The following SCN11A variants were observed in gnomAD, a reference collection of about 807,000 sequenced individuals.
SCN11A encodes sodium voltage-gated channel alpha subunit 11.
SCN11A carries 122 observed loss-of-function variants against 162.2 expected under a neutral mutation model. That is an observed-to-expected ratio of 0.75 (90% confidence interval 0.65 to 0.87). The LOEUF is 0.87. Ranked by LOEUF, SCN11A falls within the 40% of genes least tolerant of loss-of-function variation. The pLI is 0.00. For missense variants in SCN11A, 2,015 were observed against 2,181.6 expected (o/e 0.92, Z 1.52); for synonymous variants, 758 against 751.5 (o/e 1.01, Z -0.14).
intron 1 of SCN11A, among the ~76,000 whole-genome samples, chr3:39,046,781 T>A (rs2032192025): frequency 6.6e-6 from 1 of 152,192 alleles, no homozygotes; most frequent in South Asian, 2.1e-4. Flanking sequence ...AGTGCAATGA[T>A]GTGATCTCTG....
At chr3:38,890,157 T>C (rs1460451385) in intron 19 of SCN11A, among the ~76,000 whole-genome samples, 1 of 152,144 alleles carries the variant, frequency 6.6e-6, no homozygotes, top group Non-Finnish European at 1.5e-5. Flanking sequence ...ACTAGAATCA[T>C]CCTCATTCCA....
intron 9 of SCN11A, among the ~76,000 whole-genome samples, chr3:38,923,644 C>T (rs1343948205): frequency 6.6e-6 from 1 of 152,214 alleles, no homozygotes; most frequent in Non-Finnish European, 1.5e-5. Flanking sequence ...CCAGTGTCTA[C>T]CAACTCCACT....
At chr3:38,937,117 G>A (rs1456633695) in intron 7 of SCN11A, among the ~76,000 whole-genome samples, 1 of 151,998 alleles carries the variant, frequency 6.6e-6, no homozygotes, top group Non-Finnish European at 1.5e-5. Flanking sequence ...AACAAGCAAT[G>A]GGGAAAGGAT....
At chr3:38,955,428 C>T (rs1575333962) in intron 3 of SCN11A, among the ~76,000 whole-genome samples, 1 of 152,120 alleles carries the variant, frequency 6.6e-6, no homozygotes, top group Non-Finnish European at 1.5e-5. Flanking sequence ...ACTGAAAAAA[C>T]AATTAATGGA....
chr3:39,045,787 T>A (rs1042203248), intron 1 of SCN11A, among the ~76,000 whole-genome samples: 1 of 152,192 alleles, frequency 6.6e-6, no homozygotes, highest in African/African-American at 2.4e-5. Flanking sequence ...TGGAGAATGC[T>A]AGCTAGAGCA....
intron 28 of SCN11A, among the ~76,000 whole-genome samples, chr3:38,860,003 C>T (rs2064937113): frequency 6.6e-6 from 1 of 152,102 alleles, no homozygotes; most frequent in Non-Finnish European, 1.5e-5. Context: ...TTTTGCAGAC[C>T]TTGCACTGGA....
At chr3:38,872,485 T>C (rs1393408417) in intron 23 of SCN11A, among the ~76,000 whole-genome samples, 191 bp from the exon 24 acceptor site, 1 of 152,150 alleles carries the variant, frequency 6.6e-6, no homozygotes, top group Non-Finnish European at 1.5e-5. Flanking sequence ...GATATAACAA[T>C]CACATGTAAT....
chr3:38,887,955 A>T (rs1203111747), intron 19 of SCN11A, among the ~76,000 whole-genome samples: 1 of 152,218 alleles, frequency 6.6e-6, no homozygotes, highest in Non-Finnish European at 1.5e-5. Flanking sequence ...ACAAACATAC[A>T]CATACAAAAA....
intron 1 of SCN11A, among the ~76,000 whole-genome samples, chr3:39,041,227 A>G (rs1056497178): frequency 6.6e-6 from 1 of 152,224 alleles, no homozygotes; most frequent in Admixed American, 6.5e-5. Flanking sequence ...GCAAACAAAT[A>G]TTCACATTCT....
At chr3:38,890,380 T>C (rs1213654753) in intron 19 of SCN11A, among the ~76,000 whole-genome samples, 1 of 152,244 alleles carries the variant, frequency 6.6e-6, no homozygotes, top group South Asian at 2.1e-4. Flanking sequence ...AGTATAAGTC[T>C]AAGAGTGTTC....
At chr3:39,022,834 A>G (rs2031485111) in intron 2 of SCN11A, among the ~76,000 whole-genome samples, 1 of 152,106 alleles carries the variant, frequency 6.6e-6, no homozygotes, top group African/African-American at 2.4e-5. Flanking sequence ...AGCCCTGATC[A>G]TGCCATTGCA....
chr3:39,041,311 T>G (rs1397320039), intron 1 of SCN11A, among the ~76,000 whole-genome samples: 1 of 152,174 alleles, frequency 6.6e-6, no homozygotes, highest in Non-Finnish European at 1.5e-5. Context: ...GAAACCCTTC[T>G]AAGACTTTGG....
chr3:38,947,103 T>C (rs2066529962), intron 5 of SCN11A, among the ~76,000 whole-genome samples, 196 bp from the exon 6 acceptor site: 1 of 152,086 alleles, frequency 6.6e-6, no homozygotes, highest in South Asian at 2.1e-4. Flanking sequence ...ATACCAAAAT[T>C]AGGAGTATAG....
chr3:38,963,024 G>C (rs1372998978), intron 2 of SCN11A, among the ~76,000 whole-genome samples: 3 of 151,490 alleles, frequency 2.0e-5, no homozygotes, highest in African/African-American at 4.8e-5. Context: ...TGCAAGAATG[G>C]CCATAATTAA....
At chr3:39,011,332 C>T (rs1439780752) in intron 2 of SCN11A, among the ~76,000 whole-genome samples, 1 of 151,994 alleles carries the variant, frequency 6.6e-6, no homozygotes, top group Non-Finnish European at 1.5e-5. Context: ...CTCTGATTTG[C>T]AATTGGTTCA....
chr3:38,951,808 C>T (rs1030706749), intron 4 of SCN11A, among the ~76,000 whole-genome samples: 15 of 152,056 alleles, frequency 9.9e-5, no homozygotes, highest in Admixed American at 8.5e-4. Context: ...ACGTGGAGAA[C>T]CTTTGTATCT....
chr3:39,008,888 C>CA (rs903695755), intron 2 of SCN11A, among the ~76,000 whole-genome samples: 10 of 55,152 alleles, frequency 1.8e-4, no homozygotes, highest in African/African-American at 5.6e-4. Flanking sequence ...TCTCAAAAAA[C>CA]AAAAAAAAAA....
In SCN11A at chr3:39,046,499, G is replaced by A. The variant is rs114063584; in HGVS notation, c.-404+5362C>T. Among the ~76,000 whole-genome samples the A allele has an allele frequency of 7.4e-3, 1,126 of 151,462 alleles. 10 individuals carry two copies. Among genetic ancestry groups the A allele is most frequent in the Middle Eastern group, 0.02 (6 of 294 alleles). On this transcript the variant is annotated intron_variant, in intron 1 of 29. Coordinates refer to ENST00000302328, the MANE Select transcript of SCN11A (RefSeq NM_001349253.2). ...CAAAATACCAATGACATTCTTCATA[G>A]AAATAGAAAAAATAATCCTAAAATT...
At chr3:38,949,224 C>A (rs941331941) in intron 5 of SCN11A, among the ~76,000 whole-genome samples, 1 of 152,198 alleles carries the variant, frequency 6.6e-6, no homozygotes, top group African/African-American at 2.4e-5. Flanking sequence ...GATCACACTG[C>A]GAGGTGATGA....
Sources: allele counts gnomAD v4.1 joint callset (sites outside exome capture counted in the v4.1 genomes callset), GRCh38; gene constraint gnomAD v4.1.1; transcripts MANE v1.5; gene names NCBI Gene and HGNC (gene_info 2026-07-23, HGNC 2026-07-21).